RPS6KA5: variants seen among roughly 807,000 people sequenced by gnomAD.
RPS6KA5 encodes ribosomal protein S6 kinase alpha-5.
RPS6KA5 carries 27 observed loss-of-function variants against 85.5 expected under a neutral mutation model. The observed-to-expected ratio is 0.32, with a 90% confidence interval of 0.23 to 0.44. The LOEUF (loss-of-function observed/expected upper bound fraction) is 0.44. Ranked by LOEUF, RPS6KA5 falls within the 20% of genes least tolerant of loss-of-function variation. The pLI, the probability that RPS6KA5 is intolerant of heterozygous loss-of-function variation, is 1.00. For synonymous variants in RPS6KA5, 334 were observed against 348.2 expected (o/e 0.96, Z 0.46); for missense variants, 811 against 980.9 (o/e 0.83, Z 2.31).
At chr14:90,919,433 G>A (rs1371533045) in intron 7 of RPS6KA5, among the ~76,000 whole-genome samples, 1 of 152,166 alleles carries the variant, frequency 6.6e-6, no homozygotes, top group African/African-American at 2.4e-5. Flanking sequence ...TTCTTTGGAA[G>A]TGGAATCTCT....
At chr14:90,943,277 T>TTG (rs1785964792) in intron 4 of RPS6KA5, 92 bp from the exon 5 acceptor site, 1 of 737,620 alleles carries the variant, frequency 1.4e-6, no homozygotes, top group Non-Finnish European at 2.2e-6. Flanking sequence ...ATTTATTTTT[T>TTG]TTTTTAAGGC....
At position 90,866,278 on chromosome 14, in the gene RPS6KA5, A is replaced by C. The variant is rs191216201; in HGVS notation, c.*5796T>G. The C allele has an allele frequency of 3.3e-5, 5 of 152,350 alleles. No individual in the cohort carries two copies. The highest frequency in any genetic ancestry group is 1.2e-4 in the African/African-American group (5 of 41,552). 9.4% of individuals were successfully genotyped at this position (152,350 alleles called of 1,614,324 possible). A position where few individuals can be genotyped will look rare whatever the true frequency, so the allele number is the denominator to read the frequency against. ...CCAGGAGTTTGAGACTAGCCTGGGC[A>C]CCATACTGATACCTTGTAGCTATTA... On this transcript the variant is annotated 3_prime_UTR_variant, in exon 17 of 17. Coordinates refer to ENST00000614987, the MANE Select transcript of RPS6KA5 (RefSeq NM_004755.4).
In RPS6KA5 at chr14:90,872,332, GA is replaced by G. The variant is rs761099164; in HGVS notation, c.2161-11del. 25 of 1,586,904 alleles carry G rather than the reference GA, an allele frequency of 1.6e-5. No individual in the cohort carries two copies. Among genetic ancestry groups the G allele is most frequent in the East Asian group, 4.5e-5 (2 of 44,782 alleles). On this transcript the variant is annotated splice_polypyrimidine_tract_variant and intron_variant, in intron 16 of 16. Coordinates refer to ENST00000614987, the MANE Select transcript of RPS6KA5 (RefSeq NM_004755.4). ...TGTATTTGTTAAAGGCCTGGCGGGG[GA>G]AAAAAAGGGAACCCCTGTGAAGGTA...
chr14:90,858,836 T>C lies in RPS6KA5; in HGVS notation c.*13238A>G, dbSNP rs904342769. The C allele has an allele frequency of 7.2e-5, 11 of 152,220 alleles. No individual in the cohort carries two copies. Among genetic ancestry groups the C allele is most frequent in the African/African-American group, 2.7e-4 (11 of 41,454 alleles). 9.4% of individuals were successfully genotyped at this position (152,220 alleles called of 1,614,324 possible). A position where few individuals can be genotyped will look rare whatever the true frequency, so the allele number is the denominator to read the frequency against. On this transcript the variant is annotated 3_prime_UTR_variant, in exon 17 of 17. Coordinates refer to ENST00000614987, the MANE Select transcript of RPS6KA5 (RefSeq NM_004755.4). ...AGCAGCAAGCAGTAATCCCACTTGG[T>C]TGAAGAGACAAAAGTTGGAGCTTGG...
intron 5 of RPS6KA5, among the ~76,000 whole-genome samples, chr14:90,941,042 G>T (rs2037544600): frequency 6.6e-6 from 1 of 152,088 alleles, no homozygotes; most frequent in Non-Finnish European, 1.5e-5. Flanking sequence ...AATATCAATG[G>T]AATGAGCAAA....
chr14:90,878,626 G>A (rs1430561847), intron 14 of RPS6KA5, among the ~76,000 whole-genome samples: 1 of 152,208 alleles, frequency 6.6e-6, no homozygotes, highest in African/African-American at 2.4e-5. Context: ...TCATTCCGCA[G>A]AAGTGGAATG....
At chr14:91,016,307 C>T (rs151288146) in intron 1 of RPS6KA5, among the ~76,000 whole-genome samples, 2,120 of 152,102 alleles carry the variant, frequency 0.014, 30 homozygotes, top group Non-Finnish European at 0.021. Context: ...AACTCCTGGG[C>T]TCAAGAGATC....
rs933539038 is a variant in RPS6KA5, at chr14:90,941,872, C to T, written c.618+1206G>A. Among the ~76,000 whole-genome samples, 12 of 152,116 alleles carry T rather than the reference C, an allele frequency of 7.9e-5. 1 individual carries two copies. The South Asian group carries it at 1.9e-3, about 24-fold the overall frequency. Reference sequence around the variant, plus strand: ...CTTGTGGGATTTATTAAGGAGGCAACGGTAAACAGATTTAATCTGCTACAA... The same window carrying T: ...CTTGTGGGATTTATTAAGGAGGCAATGGTAAACAGATTTAATCTGCTACAA... On this transcript the variant is annotated intron_variant, in intron 5 of 16. Transcript: ENST00000614987.
chr14:90,957,141 T>C (rs998564487), intron 3 of RPS6KA5, among the ~76,000 whole-genome samples: 2 of 152,138 alleles, frequency 1.3e-5, no homozygotes, highest in African/African-American at 2.4e-5. Flanking sequence ...CTCAGCTCAC[T>C]GCAACCTCCG....
intron 1 of RPS6KA5, among the ~76,000 whole-genome samples, chr14:91,024,769 G>A (rs7157525): frequency 0.04 from 6,113 of 152,176 alleles, 304 homozygotes; most frequent in African/African-American, 0.11. Context: ...TCCCAGACCA[G>A]GGTTCTGTAT....
At chr14:90,903,393 T>C (rs1288487800) in intron 8 of RPS6KA5, among the ~76,000 whole-genome samples, 1 of 152,250 alleles carries the variant, frequency 6.6e-6, no homozygotes, top group Non-Finnish European at 1.5e-5. Flanking sequence ...ATGTTCCTAT[T>C]TTCTAGAGGC....
intron 1 of RPS6KA5, among the ~76,000 whole-genome samples, chr14:91,031,652 G>T (rs895561055): frequency 2.0e-5 from 3 of 151,886 alleles, no homozygotes; most frequent in African/African-American, 7.3e-5. Context: ...GAGACTCAAA[G>T]AAAGCTAAGT....
intron 2 of RPS6KA5, among the ~76,000 whole-genome samples, chr14:90,994,133 C>T (rs1205684428): frequency 3.3e-5 from 5 of 152,130 alleles, no homozygotes; most frequent in African/African-American, 1.2e-4. Flanking sequence ...CCTCAGCTTC[C>T]CAAAGTGCTG....
At chr14:90,988,053 T>C (rs936411104) in intron 2 of RPS6KA5, among the ~76,000 whole-genome samples, 4 of 152,046 alleles carry the variant, frequency 2.6e-5, no homozygotes, top group Admixed American at 6.6e-5. Flanking sequence ...AATGAATGAA[T>C]CCCAAGACCA....
chr14:91,009,800 T>C (rs537695373), intron 1 of RPS6KA5, among the ~76,000 whole-genome samples: 1 of 152,094 alleles, frequency 6.6e-6, no homozygotes, highest in Non-Finnish European at 1.5e-5. Flanking sequence ...AGAAAGGCAA[T>C]GGCTAAAGCT....
At chr14:91,050,640 G>A (rs938322954) in intron 1 of RPS6KA5, among the ~76,000 whole-genome samples, 7 of 152,050 alleles carry the variant, frequency 4.6e-5, no homozygotes, top group African/African-American at 1.7e-4. Flanking sequence ...TGTTGGCCAG[G>A]CTGGTCTCAA....
intron 1 of RPS6KA5, 94 bp downstream of exon 1, chr14:91,060,238 T>TGCGGCCCCGCGCCC: frequency 1.0e-6 from 1 of 962,070 alleles, no homozygotes; most frequent in Non-Finnish European, 1.2e-6. Context: ...CGCCCACGGC[T>TGCGGCCCCGCGCCC]GCGGCCCCGC....
chr14:91,027,474 G>A (rs970394252), intron 1 of RPS6KA5, among the ~76,000 whole-genome samples: 6 of 152,030 alleles, frequency 3.9e-5, no homozygotes, highest in African/African-American at 1.4e-4. Context: ...TTATGTGTCT[G>A]TTTTTGTAAA....
At chr14:91,034,858 T>C (rs2042336132) in intron 1 of RPS6KA5, among the ~76,000 whole-genome samples, 1 of 152,122 alleles carries the variant, frequency 6.6e-6, no homozygotes, top group African/African-American at 2.4e-5. Flanking sequence ...GTGACATTCA[T>C]TAAGTGTTCC....
Sources: allele counts gnomAD v4.1 joint callset (sites outside exome capture counted in the v4.1 genomes callset), GRCh38; gene constraint gnomAD v4.1.1; transcripts MANE v1.5; gene names NCBI Gene and HGNC (gene_info 2026-07-23, HGNC 2026-07-21).